The following CLCN6 variants were observed in gnomAD, a reference collection of about 807,000 sequenced individuals.
The protein encoded by CLCN6 is Cl-/H+ antiporter 6, also known as H(+)/Cl(-) exchange transporter 6.
Under a neutral mutation model 109.8 loss-of-function variants are expected in CLCN6, and 70 were observed. The ratio of observed to expected loss-of-function variants is 0.64; its 90% CI spans 0.53 to 0.78. The LOEUF is 0.78. Among genes scored for constraint, CLCN6 ranks in the 30% least tolerant of loss-of-function variants. The pLI is 0.00. For missense variants in CLCN6, 984 were observed against 1,142.3 expected (o/e 0.86, Z 2.00); for synonymous variants, 444 against 447.8 (o/e 0.99, Z 0.11).
chr1:11,831,819 G>A (rs1008280507), intron 13 of CLCN6, among the ~76,000 whole-genome samples: 2 of 152,104 alleles, frequency 1.3e-5, no homozygotes, highest in Non-Finnish European at 2.9e-5. Flanking sequence ...AAGTAGCTGG[G>A]ACTACAGGTG....
At position 11,832,139 on chromosome 1, in the gene CLCN6, A is replaced by G. The variant is rs550897435; in HGVS notation, c.1249-1376A>G. ...TAGCTGTGCCCCCATTTTACAGCTA[A>G]GGAAGCTGAGGCACAGTATGGTCTT... On this transcript the variant is annotated intron_variant, in intron 13 of 22. Transcript: ENST00000346436. Among the ~76,000 whole-genome samples, 20 of 152,364 alleles carry G rather than the reference A, an allele frequency of 1.3e-4. No homozygotes were observed. In the South Asian group the frequency reaches 3.9e-3, roughly 30 times the overall value.
intron 4 of CLCN6, 124 bp downstream of exon 4, chr1:11,816,804 A>C (rs1309517349): frequency 3.3e-6 from 2 of 598,092 alleles, no homozygotes; most frequent in Non-Finnish European, 5.6e-6. Flanking sequence ...ATAATGCAAT[A>C]ACACTTGTCA....
intron 5 of CLCN6, among the ~76,000 whole-genome samples, chr1:11,820,147 G>A (rs532569635): frequency 2.6e-5 from 4 of 152,266 alleles, no homozygotes; most frequent in African/African-American, 9.6e-5. Flanking sequence ...AGTGATGAAT[G>A]ATTTAATAAA....
chr1:11,811,689 A>G (rs1295166400), intron 2 of CLCN6, among the ~76,000 whole-genome samples: 1 of 152,104 alleles, frequency 6.6e-6, no homozygotes, highest in African/African-American at 2.4e-5. Flanking sequence ...GCTAATTCCT[A>G]CAGTCAATTT....
At chr1:11,831,729 G>T (rs78148392) in intron 13 of CLCN6, among the ~76,000 whole-genome samples, 2 of 152,126 alleles carry the variant, frequency 1.3e-5, no homozygotes, top group Non-Finnish European at 2.9e-5. Flanking sequence ...TGTCACCCAG[G>T]CTGGAGTACG....
chr1:11,838,268 G>A (rs1644974855), intron 20 of CLCN6, 67 bp from the exon 21 acceptor site: 1 of 1,396,060 alleles, frequency 7.2e-7, no homozygotes, highest in Non-Finnish European at 1.0e-6. Context: ...TCAAGGGGAG[G>A]GGCTCTAAGG....
At chr1:11,836,891 C>A (rs757126320) in intron 18 of CLCN6, 108 bp from the exon 19 acceptor site, 1 of 1,287,122 alleles carries the variant, frequency 7.8e-7, no homozygotes, top group Non-Finnish European at 1.1e-6. Context: ...TAAGTTCCTG[C>A]GTCCGGATGT....
chr1:11,816,076 A>G, intron 3 of CLCN6, 165 bp downstream of exon 3: 1 of 580,660 alleles, frequency 1.7e-6, no homozygotes, highest in Admixed American at 3.4e-5. Flanking sequence ...TTCACCTCGC[A>G]GGTACTGCAG....
intron 5 of CLCN6, among the ~76,000 whole-genome samples, chr1:11,820,947 G>A (rs1245274077): frequency 6.6e-6 from 1 of 151,664 alleles, no homozygotes; most frequent in Non-Finnish European, 1.5e-5. Flanking sequence ...ATGGTGGCGG[G>A]TGCCTGTAAT....
rs570429301 is a variant in CLCN6 at position 11,840,583 on chromosome 1, T to C, written c.*360T>C. The C allele has an allele frequency of 3.7e-4, 129 of 350,248 alleles. 3 individuals are homozygous for C. The highest frequency in any genetic ancestry group is 3.6e-3 in the South Asian group (114 of 31,460). 21.7% of individuals were successfully genotyped at this position (350,248 alleles called of 1,614,324 possible). On this transcript the variant is annotated 3_prime_UTR_variant, in exon 23 of 23. Coordinates refer to ENST00000346436, the MANE Select transcript of CLCN6 (RefSeq NM_001286.5). The stretch of plus-strand genomic sequence containing the variant: ...GTGTTCCTGGCCATCTTTGCTACTT[T>C]CCTAGAGAACCCGGCTGTTGCCTTA...
At position 11,840,337 on chromosome 1, in the gene CLCN6, A is replaced by C; in HGVS notation, c.*114A>C. ...ATGGAAGATTCCCAGTCACCCACTC[A>C]CTCAGAAAGCCGGGAGTCATCGGAC... On this transcript the variant is annotated 3_prime_UTR_variant, in exon 23 of 23. Transcript: ENST00000346436. The C allele has an allele frequency of 1.1e-6, 1 of 942,638 alleles. No homozygotes were observed. Among genetic ancestry groups the C allele is most frequent in the East Asian group, 2.4e-5 (1 of 41,224 alleles). The allele number at this position is 942,638 out of a possible 1,614,324, so 58.4% of individuals were successfully genotyped here. A position where few individuals can be genotyped will look rare whatever the true frequency, so the allele number is the denominator to read the frequency against.
Position 11,824,630 on chromosome 1 carries a change from G to A in CLCN6, c.648+77G>A. On this transcript the variant is annotated intron_variant, in intron 8 of 22. Coordinates refer to ENST00000346436, the MANE Select transcript of CLCN6 (RefSeq NM_001286.5). ...TGGTTACACTGGGCCAAATCCATTG[G>A]GACACCCTGACATCACATTGGAACC... The A allele has an allele frequency of 4.3e-6, 5 of 1,175,902 alleles. No individual in the cohort carries two copies. In the South Asian group the frequency reaches 7.4e-5, roughly 17 times the overall value. The allele number at this position is 1,175,902 out of a possible 1,614,324, so 72.8% of individuals were successfully genotyped here.
rs535539048 is a variant in CLCN6 at position 11,832,575 on chromosome 1, C to T, written c.1249-940C>T. Among the ~76,000 whole-genome samples, 96 of 152,360 alleles carry T rather than the reference C, an allele frequency of 6.3e-4. 2 individuals carry two copies. The South Asian group carries it at 0.019, about 31-fold the overall frequency. On this transcript the variant is annotated intron_variant, in intron 13 of 22. Coordinates refer to ENST00000346436, the MANE Select transcript of CLCN6 (RefSeq NM_001286.5). Reference sequence around the variant, plus strand: ...TGCTGTTTGCACAGCAGCCTGCATACGTCTATATTGCCCAGCCCGTTTCAC... The same window carrying T: ...TGCTGTTTGCACAGCAGCCTGCATATGTCTATATTGCCCAGCCCGTTTCAC...
chr1:11,827,370 C>A, intron 10 of CLCN6, 149 bp downstream of exon 10: 1 of 697,224 alleles, frequency 1.4e-6, no homozygotes, highest in Non-Finnish European at 2.2e-6. Context: ...AACCTCCACA[C>A]TGGACTTTCT....
chr1:11,826,022 G>A (rs1027528675), intron 8 of CLCN6, 134 bp from the exon 9 acceptor site: 28 of 633,178 alleles, frequency 4.4e-5, no homozygotes, highest in Middle Eastern at 3.0e-4. Flanking sequence ...CCCTGATGCC[G>A]TGGATTCCCA....
chr1:11,838,795 G>T, intron 22 of CLCN6, 135 bp downstream of exon 22: 1 of 1,322,242 alleles, frequency 7.6e-7, no homozygotes, highest in East Asian at 2.3e-5. Context: ...CACTAGCTTT[G>T]AACCCTGCTC....
At position 11,840,275 on chromosome 1, in the gene CLCN6, C is replaced by T. The variant is rs760774388; in HGVS notation, c.*52C>T. 2.7e-6 allele frequency: 4 copies of T among 1,476,586 alleles called. No homozygotes were observed. Among genetic ancestry groups the T allele is most frequent in the South Asian group, 1.1e-5 (1 of 88,546 alleles). The allele number at this position is 1,476,586 out of a possible 1,614,324, so 91.5% of individuals were successfully genotyped here. On this transcript the variant is annotated 3_prime_UTR_variant, in exon 23 of 23. Transcript: ENST00000346436. Reference sequence around the variant, plus strand: ...TGCCTGGGGAGGCAAATCATGCTCACTCCGGCGGGCACAGCTGGCTGGGGC... The same window carrying T: ...TGCCTGGGGAGGCAAATCATGCTCATTCCGGCGGGCACAGCTGGCTGGGGC...
rs771421909 is a variant in CLCN6 at position 11,833,506 on chromosome 1, T to C, written c.1249-9T>C. Reference sequence around the variant, plus strand: ...TCCTTGTACTGATTTTCTGATTCCTTCTTCTCAGGTCACAGAAGATGTGAA... The same window carrying C: ...TCCTTGTACTGATTTTCTGATTCCTCCTTCTCAGGTCACAGAAGATGTGAA... On this transcript the variant is annotated splice_polypyrimidine_tract_variant and intron_variant, in intron 13 of 22. Coordinates refer to ENST00000346436, the MANE Select transcript of CLCN6 (RefSeq NM_001286.5). 1 of 1,613,630 alleles carries C rather than the reference T, an allele frequency of 6.2e-7. No homozygotes were observed. The highest frequency in any genetic ancestry group is 1.7e-5 in the Admixed American group (1 of 60,012).
At chr1:11,831,682 T>TA (rs1246765496) in intron 13 of CLCN6, among the ~76,000 whole-genome samples, 1 of 152,146 alleles carries the variant, frequency 6.6e-6, no homozygotes, top group East Asian at 1.9e-4. Context: ...AGGAATTAAA[T>TA]ATGCTTCTTT....
Sources: gnomAD v4.1 joint callset for allele counts (sites outside exome capture counted in the v4.1 genomes callset) on GRCh38, gnomAD v4.1.1 for gene constraint, MANE v1.5 for transcripts, NCBI Gene and HGNC (gene_info 2026-07-23, HGNC 2026-07-21) for gene names.